Variants in PRRG2 observed in about 807,000 individuals in gnomAD.
PRRG2 encodes the protein transmembrane gamma-carboxyglutamic acid protein 2.
PRRG2 carries 23 observed loss-of-function variants against 27.1 expected under a neutral mutation model. The observed-to-expected ratio is 0.85, with a 90% CI of 0.61 to 1.20. PRRG2 has a LOEUF of 1.20. Among genes scored for constraint, PRRG2 ranks in the 50% most tolerant of loss-of-function variants. The pLI, the probability that PRRG2 is intolerant of heterozygous loss-of-function variation, is 0.00. For missense variants in PRRG2, 276 were observed against 254.8 expected (o/e 1.08, Z -0.57); for synonymous variants, 104 against 103.4 (o/e 1.01, Z -0.03).
Position 49,583,717 on chromosome 19 carries a change from G to T in PRRG2, c.261G>T (p.Thr87=). ...AGTATTTTGAGGACAACACTCTCAC[G>T]GTGAGGGCCTCGAGACCCTGGAGTT... ...AREYFEDNTL[T]ERFWESYIYN... The change falls in exon 3 of 7, where the codon ACG becomes ACT. Residue 87 remains threonine (T), a splice_region_variant and synonymous_variant. Transcript: ENST00000246794. The T allele has an allele frequency of 6.2e-7, 1 of 1,613,754 alleles. No individual in the cohort carries two copies. The highest frequency in any genetic ancestry group is 8.5e-7 in the Non-Finnish European group (1 of 1,179,800).
chr19:49,582,301 A>C (rs1053584029), intron 1 of PRRG2, among the ~76,000 whole-genome samples: 1 of 146,864 alleles, frequency 6.8e-6, no homozygotes, highest in Non-Finnish European at 1.5e-5. Flanking sequence ...TTTGACATGG[A>C]ATCTCGCTCT....
chr19:49,584,328 A>G (rs1246997313), intron 4 of PRRG2, among the ~76,000 whole-genome samples: 2 of 150,188 alleles, frequency 1.3e-5, no homozygotes, highest in Non-Finnish European at 3.0e-5. Flanking sequence ...CCACCACCAC[A>G]CCCGGCTAAT....
intron 6 of PRRG2, 29 bp from the exon 7 acceptor site, chr19:49,590,342 G>A (rs1002157983): frequency 1.2e-6 from 2 of 1,614,056 alleles, no homozygotes; most frequent in Non-Finnish European, 1.7e-6. Context: ...CCAGATCTTT[G>A]ACTCCCTAGT....
intron 2 of PRRG2, 95 bp downstream of exon 2, chr19:49,583,399 AC>A: frequency 6.6e-7 from 1 of 1,522,682 alleles, no homozygotes; most frequent in Non-Finnish European, 9.0e-7. Context: ...GGAGTCCAGG[AC>A]CCAGCCCCTT....
Position 49,588,608 on chromosome 19 carries a change from G to A in PRRG2, c.413G>A (p.Arg138Gln), listed in dbSNP as rs1401553192. 1.9e-6 allele frequency: 3 copies of A among 1,545,302 alleles called. No individual in the cohort carries two copies. Among genetic ancestry groups the A allele is most frequent in the Middle Eastern group, 1.7e-4 (1 of 5,898 alleles). The change falls in exon 5 of 7, where the codon CGA becomes CAA. Residue 138 changes from arginine to glutamine, a missense_variant. Physicochemically the swap from Arg to Gln is conservative, Grantham distance 43 (BLOSUM62 1). Transcript: ENST00000246794. ...TGGTATCTGCGCTGGCGACAGCACCGAGGCCAGCAGCCCTGTCCCCAAGAG... is the reference window on the plus strand; with the variant it reads ...TGGTATCTGCGCTGGCGACAGCACCAAGGCCAGCAGCCCTGTCCCCAAGAG... ...AFWYLRWRQH[R>Q]GQQPCPQEAG...
chr19:49,586,150 C>T (rs1035909724), intron 4 of PRRG2, among the ~76,000 whole-genome samples: 4 of 150,370 alleles, frequency 2.7e-5, no homozygotes, highest in Admixed American at 1.3e-4. Context: ...GGCACGATGA[C>T]GACTCACTGC....
intron 1 of PRRG2, among the ~76,000 whole-genome samples, chr19:49,582,845 G>A (rs997465211): frequency 1.3e-5 from 2 of 151,596 alleles, no homozygotes; most frequent in Non-Finnish European, 2.9e-5. Flanking sequence ...TCTAGCCTGG[G>A]TGACAGAGCG....
At chr19:49,580,639 C>T (rs1306516862), upstream of PRRG2, 1 of 152,202 alleles carries the variant, frequency 6.6e-6, no homozygotes, top group Admixed American at 6.6e-5. Flanking sequence ...AGTAGAGCTG[C>T]CCCTAGTTGC....
rs1265020530 is a variant in PRRG2 at position 49,583,728 on chromosome 19, C to T, written c.261+11C>T. 3.0e-5 allele frequency: 48 copies of T among 1,612,936 alleles called. No homozygotes were observed. The highest frequency in any genetic ancestry group is 3.7e-5 in the Non-Finnish European group (44 of 1,179,318). On this transcript the variant is annotated intron_variant, in intron 3 of 6. Coordinates refer to ENST00000246794, the MANE Select transcript of PRRG2 (RefSeq NM_000951.3). ...GACAACACTCTCACGGTGAGGGCCT[C>T]GAGACCCTGGAGTTTCGGGCCCTCT...
At position 49,590,374 on chromosome 19, in the gene PRRG2, C is replaced by T. The variant is rs1555739408; in HGVS notation, c.594C>T (p.Leu198=). 2 of 1,614,032 alleles carry T rather than the reference C, an allele frequency of 1.2e-6. No homozygotes were observed. The highest frequency in any genetic ancestry group is 1.7e-5 in the Admixed American group (1 of 59,990). ...TAGTGTGCCTTTCCTCTTGCAGCCT[C>T]AGGAGGCCTCACTGAAGAGCTGCTT... ...HDAPPPPYTS[L]RRPH is the part of the protein sequence containing the mutation. The change falls in exon 7 of 7, where the codon CTC becomes CTT. Residue 198 remains leucine (L), a synonymous_variant. Transcript: ENST00000246794.
intron 3 of PRRG2, 93 bp downstream of exon 3, chr19:49,583,810 C>A: frequency 6.2e-7 from 1 of 1,604,466 alleles, no homozygotes; most frequent in Non-Finnish European, 8.5e-7. Context: ...TCAGCTCCCT[C>A]CTCCTTGGTG....
chr19:49,590,079 G>A (rs990826631), intron 6 of PRRG2, 27 bp downstream of exon 6: 5 of 1,473,328 alleles, frequency 3.4e-6, no homozygotes, highest in South Asian at 2.7e-5. Context: ...CTGCCCGGGG[G>A]CGGGGCGCAG....
At chr19:49,583,141 C>T in intron 1 of PRRG2, 66 bp from the exon 2 acceptor site, 2 of 1,346,838 alleles carry the variant, frequency 1.5e-6, no homozygotes, top group Non-Finnish European at 2.1e-6. Context: ...AGAGGCCAGT[C>T]AGAGAGGCAC....
At chr19:49,583,464 C>T in intron 2 of PRRG2, 78 bp from the exon 3 acceptor site, 1 of 1,550,930 alleles carries the variant, frequency 6.4e-7, no homozygotes, top group Non-Finnish European at 8.8e-7. Context: ...TCCTCCAGGA[C>T]CCCACTGCTT....
At chr19:49,588,354 T>C in intron 4 of PRRG2, 143 bp from the exon 5 acceptor site, 1 of 1,167,660 alleles carries the variant, frequency 8.6e-7, no homozygotes, top group Non-Finnish European at 1.2e-6. Flanking sequence ...ATGAGGTGAA[T>C]TTCCTGAGGT....
intron 6 of PRRG2, 132 bp from the exon 7 acceptor site, chr19:49,590,239 T>C (rs751776876): frequency 8.1e-6 from 12 of 1,479,594 alleles, no homozygotes; most frequent in Non-Finnish European, 1.1e-5. Flanking sequence ...TGGAGCCGTA[T>C]AGGAGGGTGG....
intron 4 of PRRG2, among the ~76,000 whole-genome samples, chr19:49,584,835 C>G (rs1238402979): frequency 6.6e-6 from 1 of 151,914 alleles, no homozygotes; most frequent in African/African-American, 2.4e-5. Flanking sequence ...AGCTGTGGGG[C>G]CCGTCAGGCC....
intron 4 of PRRG2, among the ~76,000 whole-genome samples, chr19:49,588,231 G>A (rs566942610): frequency 4.6e-5 from 7 of 152,312 alleles, no homozygotes; most frequent in African/African-American, 1.4e-4. Flanking sequence ...CCCAAGTGCT[G>A]GGATTACAGG....
At chr19:49,585,536 G>A (rs766194959) in intron 4 of PRRG2, among the ~76,000 whole-genome samples, 8 of 152,194 alleles carry the variant, frequency 5.3e-5, no homozygotes, top group Non-Finnish European at 7.3e-5. Flanking sequence ...GGTGGCTCAT[G>A]CCTGTAATCT....
Sources: gnomAD v4.1 joint callset for allele counts (sites outside exome capture counted in the v4.1 genomes callset) on GRCh38, gnomAD v4.1.1 for gene constraint, MANE v1.5 for transcripts, NCBI Gene and HGNC (gene_info 2026-07-23, HGNC 2026-07-21) for gene names.